The following CHD2 variants were observed in gnomAD, a reference collection of about 807,000 sequenced individuals.
The protein encoded by CHD2 is ATP-dependent chromatin remodeler CHD2.
Under a neutral mutation model 243.9 loss-of-function variants are expected in CHD2, and 28 were observed. That is an observed-to-expected ratio of 0.11 (90% CI 0.09 to 0.16). The LOEUF (loss-of-function observed/expected upper bound fraction) is 0.16. Ranked by LOEUF, CHD2 falls within the 10% of genes least tolerant of loss-of-function variation. The pLI, the probability that CHD2 is intolerant of heterozygous loss-of-function variation, is 1.00. For synonymous variants in CHD2, 775 were observed against 779.0 expected (o/e 0.99, Z 0.09); for missense variants, 1,386 against 2,209.8 (o/e 0.63, Z 7.47).
At chr15:92,950,723 A>G (rs2053542734) in intron 13 of CHD2, among the ~76,000 whole-genome samples, 1 of 151,504 alleles carries the variant, frequency 6.6e-6, no homozygotes. Context: ...ATTGCACTCC[A>G]GCCTGGGTGA....
At chr15:92,971,579 G>C (rs1321194766) in intron 17 of CHD2, among the ~76,000 whole-genome samples, 186 bp from the exon 18 acceptor site, 1 of 152,122 alleles carries the variant, frequency 6.6e-6, no homozygotes, top group Non-Finnish European at 1.5e-5. Context: ...TCCTAATTCT[G>C]ACTGGAGATG....
At chr15:92,962,354 A>C (rs184555915) in intron 16 of CHD2, among the ~76,000 whole-genome samples, 2 of 152,112 alleles carry the variant, frequency 1.3e-5, no homozygotes, top group Non-Finnish European at 2.9e-5. Context: ...TGCATCCTGT[A>C]AATACTGATA....
At position 92,941,908 on chromosome 15, in the gene CHD2, G is replaced by C; in HGVS notation, c.779G>C (p.Ser260Thr). 1 of 1,613,528 alleles carries C rather than the reference G, an allele frequency of 6.2e-7. No individual in the cohort carries two copies. Among genetic ancestry groups the C allele is most frequent in the East Asian group, 2.2e-5 (1 of 44,756 alleles). Reference protein sequence around the residue: ...GEGVDEQQDNSETIEKVLDSR... With the variant: ...GEGVDEQQDNTETIEKVLDSR... ...GGAGTTGATGAACAGCAAGATAATAGTGAAACTATTGAAAAGGTCTTAGAT... is the reference window on the plus strand; with the variant it reads ...GGAGTTGATGAACAGCAAGATAATACTGAAACTATTGAAAAGGTCTTAGAT... Residue 260 changes from serine (S) to threonine (T), a missense_variant, in exon 8 of 39, where the codon AGT (serine) becomes ACT (threonine). Transcript: ENST00000394196.
intron 26 of CHD2, among the ~76,000 whole-genome samples, chr15:92,986,765 A>G (rs980167276): frequency 6.6e-6 from 1 of 152,118 alleles, no homozygotes; most frequent in Non-Finnish European, 1.5e-5. Flanking sequence ...GCTCTCTTGC[A>G]CAGGCTGGAG....
chr15:92,940,958 T>A (rs868054031), intron 7 of CHD2, among the ~76,000 whole-genome samples: 20 of 128,750 alleles, frequency 1.6e-4, no homozygotes, highest in Non-Finnish European at 2.3e-4. Context: ...AATATAAATA[T>A]ATATAAATAT....
chr15:92,975,885 A>G (rs1389333791), intron 20 of CHD2, among the ~76,000 whole-genome samples: 2 of 152,150 alleles, frequency 1.3e-5, no homozygotes, highest in Admixed American at 6.5e-5. Context: ...CTCGTTCATT[A>G]AGGATAAGAG....
At chr15:92,925,578 A>G (rs1211902944) in intron 3 of CHD2, among the ~76,000 whole-genome samples, 1 of 152,214 alleles carries the variant, frequency 6.6e-6, no homozygotes, top group African/African-American at 2.4e-5. Context: ...ACCTGTGTTG[A>G]GTAAAAACTT....
intron 2 of CHD2, among the ~76,000 whole-genome samples, chr15:92,907,503 C>T (rs1049453260): frequency 6.6e-6 from 1 of 152,154 alleles, no homozygotes; most frequent in African/African-American, 2.4e-5. Flanking sequence ...TCTGATGAGT[C>T]ATTTTGTCAC....
At chr15:92,944,622 G>A (rs1346058504) in intron 10 of CHD2, 107 bp downstream of exon 10, 22 of 487,622 alleles carry the variant, frequency 4.5e-5, no homozygotes, top group African/African-American at 1.2e-4. Flanking sequence ...GACTAGACAC[G>A]TGCTAGGTTT....
Position 92,948,979 on chromosome 15 carries a change from G to A in CHD2, c.1405G>A (p.Ala469Thr). 6.2e-7 allele frequency: 1 copy of A among 1,613,956 alleles called. No individual in the cohort carries two copies. Among genetic ancestry groups the A allele is most frequent in the Non-Finnish European group, 8.5e-7 (1 of 1,179,970 alleles). Residue 469 changes from alanine (A) to threonine (T), a missense_variant, in exon 13 of 39, where the codon GCT (alanine) becomes ACT (threonine). Ala to Thr is a moderately conservative substitution (Grantham distance 58). This residue lies in a region of CHD2 where 14 missense variants were observed against 26.8 expected (regional missense o/e 0.52). Coordinates refer to ENST00000394196, the MANE Select transcript of CHD2 (RefSeq NM_001271.4). Reference sequence around the variant, plus strand: ...CCTGAAGCAGAGACCACGATTTGTAGCTTTAAAGAAACAACCTGCATATTT... The same window carrying A: ...CCTGAAGCAGAGACCACGATTTGTAACTTTAAAGAAACAACCTGCATATTT... ...KALKQRPRFV[A>T]LKKQPAYLGG...
At chr15:92,963,369 G>T (rs981138572) in intron 16 of CHD2, among the ~76,000 whole-genome samples, 4 of 152,108 alleles carry the variant, frequency 2.6e-5, no homozygotes, top group African/African-American at 9.7e-5. Flanking sequence ...GGGATTGTAT[G>T]CATCAGTCTT....
intron 17 of CHD2, among the ~76,000 whole-genome samples, chr15:92,968,822 T>C (rs2053801685): frequency 6.6e-6 from 1 of 152,254 alleles, no homozygotes; most frequent in Admixed American, 6.5e-5. Context: ...AATATCCATA[T>C]TCATGCTCTA....
chr15:92,949,291 A>G (rs2053519697), intron 13 of CHD2: 4 of 1,229,458 alleles, frequency 3.3e-6, no homozygotes, highest in Middle Eastern at 3.0e-4. Flanking sequence ...TCTAAAGAAT[A>G]CTTTATTTCA....
At chr15:93,010,224 T>G (rs1042104247) in intron 35 of CHD2, among the ~76,000 whole-genome samples, 2 of 151,216 alleles carry the variant, frequency 1.3e-5, no homozygotes, top group South Asian at 2.1e-4. Flanking sequence ...TATATACTTG[T>G]TGGTTGATGG....
intron 6 of CHD2, among the ~76,000 whole-genome samples, chr15:92,938,313 CTG>C (rs1212496755): frequency 6.6e-6 from 1 of 152,174 alleles, no homozygotes; most frequent in Non-Finnish European, 1.5e-5. Flanking sequence ...AAAAACAATT[CTG>C]TTCTCATTAG....
chr15:93,000,688 A>G (rs978975958), intron 32 of CHD2, 48 bp downstream of exon 32: 1 of 1,555,014 alleles, frequency 6.4e-7, no homozygotes, highest in African/African-American at 1.4e-5. Flanking sequence ...TTTTAGCTAT[A>G]CTTATCATGC....
At chr15:92,951,043 T>C (rs750773852) in intron 13 of CHD2, among the ~76,000 whole-genome samples, 5 of 152,212 alleles carry the variant, frequency 3.3e-5, no homozygotes, top group Non-Finnish European at 7.3e-5. Flanking sequence ...AAAAGTTAGA[T>C]GAACTTTAAT....
chr15:93,015,225 T>C (rs1334073841), intron 37 of CHD2, among the ~76,000 whole-genome samples: 1 of 152,136 alleles, frequency 6.6e-6, no homozygotes, highest in Non-Finnish European at 1.5e-5. Context: ...ATTACAGATG[T>C]GCACCACCAC....
intron 26 of CHD2, among the ~76,000 whole-genome samples, chr15:92,990,984 C>T (rs1278101677): frequency 2.6e-5 from 4 of 152,204 alleles, no homozygotes; most frequent in Non-Finnish European, 4.4e-5. Flanking sequence ...TGCCTTATTC[C>T]AAAAACTATT....
Sources: gnomAD v4.1 joint callset for allele counts (sites outside exome capture counted in the v4.1 genomes callset) on GRCh38, gnomAD v4.1.1 for gene constraint, gnomAD v4.1.1 regional missense constraint, MANE v1.5 for transcripts, NCBI Gene and HGNC (gene_info 2026-07-23, HGNC 2026-07-21) for gene names.